AHDC1: variants seen among roughly 807,000 people sequenced by gnomAD.
AHDC1 encodes transcription factor Gibbin.
A neutral mutation model predicts 87.9 loss-of-function variants in AHDC1; 7 were observed. The ratio of observed to expected loss-of-function variants is 0.08; its 90% confidence interval spans 0.05 to 0.15. AHDC1 has a LOEUF of 0.15. Among genes scored for constraint, AHDC1 ranks in the 10% least tolerant of loss-of-function variants. The pLI is 1.00. For synonymous variants in AHDC1, 1,051 were observed against 1,006.8 expected (o/e 1.04, Z -0.83); for missense variants, 1,841 against 2,253.2 (o/e 0.82, Z 3.70).
rs540728345 is a variant in AHDC1 at position 27,537,011 on chromosome 1, C to A, written c.*44-2095G>T. ...GGCTTTCTCACCCTCTGCTAAGCCG[C>A]CCATCGCGTCTCACCTTCCTCCTCC... On this transcript the variant is annotated intron_variant, in intron 8 of 8. Coordinates refer to ENST00000673934, the MANE Select transcript of AHDC1 (RefSeq NM_001371928.1). 3.9e-5 allele frequency among the ~76,000 whole-genome samples: 6 copies of A among 152,312 alleles called. No individual in the cohort carries two copies. In the East Asian group the frequency reaches 1.2e-3, roughly 29 times the overall value.
At chr1:27,580,096 G>A (rs1181264047) in intron 3 of AHDC1, among the ~76,000 whole-genome samples, 1 of 152,196 alleles carries the variant, frequency 6.6e-6, no homozygotes, top group African/African-American at 2.4e-5. Context: ...AGAGATCAAG[G>A]CCCATGGGCC....
At chr1:27,588,433 A>G (rs1476936797) in intron 3 of AHDC1, among the ~76,000 whole-genome samples, 1 of 152,216 alleles carries the variant, frequency 6.6e-6, no homozygotes, top group Admixed American at 6.5e-5. Context: ...TGAATCAATG[A>G]ATGCTCTGTA....
rs1275043086 is a variant in AHDC1, at chr1:27,574,160, G to A, written c.-628-15277C>T. Among the ~76,000 whole-genome samples the A allele has an allele frequency of 2.0e-5, 3 of 152,216 alleles. No homozygotes were observed. The South Asian group carries it at 6.2e-4, about 32-fold the overall frequency. The stretch of plus-strand genomic sequence containing the variant: ...CAGAATTCCACCAGCCTCACAGCCT[G>A]CCTGGACCATCCCCTGGGGAGCCAG... On this transcript the variant is annotated intron_variant, in intron 3 of 8. Transcript: ENST00000673934.
intron 3 of AHDC1, among the ~76,000 whole-genome samples, chr1:27,576,018 C>T (rs1331660766): frequency 6.6e-6 from 1 of 152,112 alleles, no homozygotes; most frequent in Non-Finnish European, 1.5e-5. Flanking sequence ...CTCTCGGACG[C>T]GGCTGAGTGG....
rs150482219 is a variant in AHDC1, at chr1:27,563,112, GAC to G, written c.-628-4231_-628-4230del. On this transcript the variant is annotated intron_variant, in intron 3 of 8. Transcript: ENST00000673934. The surrounding 1 kb of genome is among the most constrained non-coding windows in gnomAD (Gnocchi z 6.1). ...GAGAACCTGTTACACAGCTGACCAA[GAC>G]ACACACACACGCACGCACGCATGCA... Among the ~76,000 whole-genome samples the G allele has an allele frequency of 2.6e-5, 4 of 151,616 alleles. No homozygotes were observed. The highest frequency in any genetic ancestry group is 4.9e-5 in the African/African-American group (2 of 41,174).
intron 8 of AHDC1, among the ~76,000 whole-genome samples, chr1:27,541,386 G>A (rs569929593): frequency 2.0e-5 from 3 of 149,882 alleles, no homozygotes; most frequent in East Asian, 4.0e-4. Context: ...TGGTACGATC[G>A]TAGTTCACTG....
chr1:27,551,041 G>C lies in AHDC1; in HGVS notation c.1075C>G (p.Leu359Val), dbSNP rs921617421. ...EPQQPLGHCP[L>V]AEPLRLDLCS... ...AAGTCCAGGCGCAAGGGCTCGGCCA[G>C]TGGGCAGTGCCCCAGGGGCTGCTGG... The change falls in exon 8 of 9, where the codon CTG becomes GTG. Residue 359 changes from leucine (L) to valine (V), a missense_variant. By Grantham distance (32) the Leu-to-Val change is conservative. This residue lies in a region of AHDC1 where 370 missense variants were observed against 391.5 expected (regional missense o/e 0.95). Transcript: ENST00000673934. 6.4e-7 allele frequency: 1 copy of C among 1,558,640 alleles called. No homozygotes were observed. Among genetic ancestry groups the C allele is most frequent in the Non-Finnish European group, 8.7e-7 (1 of 1,155,540 alleles).
chr1:27,553,335 A>C (rs2019661819), intron 5 of AHDC1, 150 bp from the exon 6 acceptor site: 1 of 152,270 alleles, frequency 6.6e-6, no homozygotes, highest in African/African-American at 2.4e-5. Context: ...CAGATGAAGA[A>C]ATGGAGGCTC....
rs1299986934 is a variant in AHDC1, at chr1:27,562,883, TCA to T, written c.-628-4002_-628-4001del. Among the ~76,000 whole-genome samples, 2 of 152,038 alleles carry T rather than the reference TCA, an allele frequency of 1.3e-5. No individual in the cohort carries two copies. The highest frequency in any genetic ancestry group is 3.9e-4 in the East Asian group (2 of 5,192). On this transcript the variant is annotated intron_variant, in intron 3 of 8. Transcript: ENST00000673934. This position sits in a 1 kb window ranked among gnomAD's most constrained non-coding sequence, Gnocchi z 4.4. ...CCTGCGACGGGCACATGGTGACATCTCACACACACAACAGCCAGAGACAGGCG... is the reference window on the plus strand; with the variant it reads ...CCTGCGACGGGCACATGGTGACATCTCACACACAACAGCCAGAGACAGGCG...
chr1:27,543,357 A>T (rs1001519992), intron 8 of AHDC1, among the ~76,000 whole-genome samples: 2 of 152,180 alleles, frequency 1.3e-5, no homozygotes, highest in African/African-American at 4.8e-5. Context: ...CCCAGAGAAG[A>T]TGTCTGCACA....
At chr1:27,574,996 G>C (rs1399262377) in intron 3 of AHDC1, among the ~76,000 whole-genome samples, 2 of 152,348 alleles carry the variant, frequency 1.3e-5, no homozygotes, top group Non-Finnish European at 2.9e-5. Context: ...GATTTTCCCA[G>C]CACATCTGCC....
chr1:27,594,777 G>A (rs2089320996), intron 3 of AHDC1, among the ~76,000 whole-genome samples: 1 of 152,140 alleles, frequency 6.6e-6, no homozygotes, highest in African/African-American at 2.4e-5. Context: ...GGGTGTGCTG[G>A]AATGTGCCAA....
chr1:27,556,831 TTCTAA>T (rs2019837480), intron 5 of AHDC1, among the ~76,000 whole-genome samples: 1 of 151,940 alleles, frequency 6.6e-6, no homozygotes, highest in African/African-American at 2.4e-5. Flanking sequence ...AATTTTTGAC[TTCTAA>T]TCTATCCTCC....
intron 8 of AHDC1, among the ~76,000 whole-genome samples, chr1:27,542,714 C>T (rs551311308): frequency 6.6e-6 from 1 of 152,372 alleles, no homozygotes; most frequent in South Asian, 2.1e-4. Context: ...TGTCCACAGG[C>T]AGGCTCCCAG....
At position 27,565,296 on chromosome 1, in the gene AHDC1, G is replaced by A. The variant is rs1557681971; in HGVS notation, c.-628-6413C>T. 6.6e-6 allele frequency among the ~76,000 whole-genome samples: 1 copy of A among 151,614 alleles called. No individual in the cohort carries two copies. Among genetic ancestry groups the A allele is most frequent in the African/African-American group, 2.4e-5 (1 of 41,280 alleles). On this transcript the variant is annotated intron_variant, in intron 3 of 8. Transcript: ENST00000673934. The surrounding 1 kb of genome is among the most constrained non-coding windows in gnomAD (Gnocchi z 4.6). ...TGCCCAGACCCCAGGATCCTAGAAC[G>A]GTCTGCCTGACCAGGCCTCACCACA...
chr1:27,593,478 C>T lies in AHDC1; in HGVS notation c.-629+9919G>A, dbSNP rs1412831737. ...GGCAAAGATGGACCCATTCTCAGGG[C>T]GTAGCCGTGTGTCCCTCAGAACCCT... On this transcript the variant is annotated intron_variant, in intron 3 of 8. Coordinates refer to ENST00000673934, the MANE Select transcript of AHDC1 (RefSeq NM_001371928.1). This position sits in a 1 kb window ranked among gnomAD's most constrained non-coding sequence, Gnocchi z 4.9. Among the ~76,000 whole-genome samples, 3 of 152,198 alleles carry T rather than the reference C, an allele frequency of 2.0e-5. No individual in the cohort carries two copies. The highest frequency in any genetic ancestry group is 6.5e-5 in the Admixed American group (1 of 15,288).
intron 3 of AHDC1, among the ~76,000 whole-genome samples, chr1:27,574,416 T>C (rs577114913): frequency 6.6e-6 from 1 of 152,300 alleles, no homozygotes; most frequent in African/African-American, 2.4e-5. Context: ...GCTAACTGAT[T>C]GAAATGTTGT....
At position 27,551,108 on chromosome 1, in the gene AHDC1, G is replaced by A; in HGVS notation, c.1008C>T (p.Pro336=). ...CTGGGACGTCAAGCAGCTTGGGCAGGGGGTCGAGTGCCTGGGGGTCAAGCA... is the reference window on the plus strand; with the variant it reads ...CTGGGACGTCAAGCAGCTTGGGCAGAGGGTCGAGTGCCTGGGGGTCAAGCA... ...SQLLDPQALD[P]LPKLLDVPGR... The change falls in exon 8 of 9, where the codon CCC becomes CCT. Residue 336 remains proline (P), a synonymous_variant. Transcript: ENST00000673934. 5 of 1,581,018 alleles carry A rather than the reference G, an allele frequency of 3.2e-6. No individual in the cohort carries two copies. The highest frequency in any genetic ancestry group is 1.1e-5 in the South Asian group (1 of 88,410).
chr1:27,545,955 C>T (rs1306241488), intron 8 of AHDC1, among the ~76,000 whole-genome samples: 2 of 152,176 alleles, frequency 1.3e-5, no homozygotes, highest in Non-Finnish European at 2.9e-5. Context: ...CCTTTGTCAC[C>T]TTCAGGCACC....
Sources: gnomAD v4.1 joint callset for allele counts (sites outside exome capture counted in the v4.1 genomes callset) on GRCh38, gnomAD v4.1.1 for gene constraint, gnomAD v4.1.1 regional missense constraint, Gnocchi (gnomAD v3.1) non-coding constraint, MANE v1.5 for transcripts, NCBI Gene and HGNC (gene_info 2026-07-23, HGNC 2026-07-21) for gene names.